The following PRR5 variants were observed in gnomAD, a reference collection of about 807,000 sequenced individuals.
PRR5 encodes the protein proline rich 5.
A neutral mutation model predicts 30.6 loss-of-function variants in PRR5; 25 were observed. The observed-to-expected ratio is 0.82, with a 90% CI of 0.60 to 1.14. The LOEUF is 1.14. PRR5 is among the 50% of genes most tolerant of loss of function. The probability of loss-of-function intolerance (pLI) is 0.00; values close to 1 mark genes in which losing one functional copy is unlikely to be tolerated. For synonymous variants in PRR5, 286 were observed against 247.1 expected (o/e 1.16, Z -1.48); for missense variants, 600 against 547.1 (o/e 1.10, Z -0.96).
rs1921520416 is a variant in PRR5 at position 44,729,500 on chromosome 22, C to G, written c.323-2230C>G. 4 of 985,480 alleles carry G rather than the reference C, an allele frequency of 4.1e-6. No individual in the cohort carries two copies. The South Asian group carries it at 1.9e-4, about 46-fold the overall frequency. 61.0% of individuals were successfully genotyped at this position (985,480 alleles called of 1,614,324 possible). A position where few individuals can be genotyped will look rare whatever the true frequency, so the allele number is the denominator to read the frequency against. Reference sequence around the variant, plus strand: ...ACGGCGCGCACACACCCGGCCCCGTCCTGCCGGCAGCAAACGCCCAGTGCT... The same window carrying G: ...ACGGCGCGCACACACCCGGCCCCGTGCTGCCGGCAGCAAACGCCCAGTGCT... On this transcript the variant is annotated intron_variant, in intron 4 of 7. Transcript: ENST00000336985.
chr22:44,675,161 A>C (rs551465558), upstream of PRR5, among the ~76,000 whole-genome samples: 170 of 150,460 alleles, frequency 1.1e-3, 2 homozygotes, highest in East Asian at 4.3e-3. Context: ...GAGGCAGGAG[A>C]ATGGCGTGAA....
intron 1 of PRR5, among the ~76,000 whole-genome samples, chr22:44,712,824 G>T (rs1232391586): frequency 6.6e-6 from 1 of 152,168 alleles, no homozygotes; most frequent in Non-Finnish European, 1.5e-5. Flanking sequence ...CCCAGACCTG[G>T]TTCTCACCCT....
chr22:44,702,170 A>G (rs1409254983), upstream of PRR5: 1 of 685,086 alleles, frequency 1.5e-6, no homozygotes, highest in Non-Finnish European at 1.8e-6. Flanking sequence ...GGGCGCCGAG[A>G]CCCGCCCCTG....
chr22:44,736,691 A>C, intron 7 of PRR5, 81 bp from the exon 8 acceptor site: 1 of 1,497,402 alleles, frequency 6.7e-7, no homozygotes, highest in East Asian at 2.3e-5. Flanking sequence ...ACAGGGACCC[A>C]GTGTGCAGTG....
upstream of PRR5, among the ~76,000 whole-genome samples, chr22:44,674,706 G>A (rs1468339614): frequency 1.6e-4 from 24 of 151,274 alleles, no homozygotes; most frequent in Non-Finnish European, 3.5e-4. Flanking sequence ...GCGACAGAGA[G>A]AGACTCCGTC....
chr22:44,674,363 C>T (rs1448415050), upstream of PRR5, among the ~76,000 whole-genome samples: 1 of 151,828 alleles, frequency 6.6e-6, no homozygotes, highest in Admixed American at 6.6e-5. Context: ...CAGCCAGGCA[C>T]GGTGGCTCAT....
chr22:44,710,705 C>T (rs570979549), intron 1 of PRR5, among the ~76,000 whole-genome samples: 2 of 152,158 alleles, frequency 1.3e-5, no homozygotes, highest in African/African-American at 4.8e-5. Context: ...GAGCAGAGGT[C>T]CTGGGTGTGG....
At chr22:44,725,726 G>A (rs540929064) in intron 3 of PRR5, among the ~76,000 whole-genome samples, 46 of 152,210 alleles carry the variant, frequency 3.0e-4, no homozygotes, top group African/African-American at 8.7e-4. Context: ...GTGCAGTGGC[G>A]CGATCTCAGC....
intron 4 of PRR5, among the ~76,000 whole-genome samples, chr22:44,727,445 C>T (rs1330874971): frequency 6.6e-6 from 1 of 152,328 alleles, no homozygotes; most frequent in East Asian, 1.9e-4. Flanking sequence ...GCACTAGGCA[C>T]CGGGTGTGTG....
upstream of PRR5, among the ~76,000 whole-genome samples, chr22:44,698,166 C>T (rs1435921236): frequency 2.0e-5 from 3 of 152,130 alleles, no homozygotes; most frequent in African/African-American, 7.2e-5. Context: ...CAAGGGGATC[C>T]TCTACCAGCT....
chr22:44,682,868 T>G (rs1246038389), intron 1 of PRR5, among the ~76,000 whole-genome samples: 1 of 152,100 alleles, frequency 6.6e-6, no homozygotes, highest in Non-Finnish European at 1.5e-5. Context: ...TAGCGGGAGG[T>G]CTGGACAGTA....
At chr22:44,671,964 T>A (rs190724146) in intron 1 of PRR5, among the ~76,000 whole-genome samples, 1 of 152,276 alleles carries the variant, frequency 6.6e-6, no homozygotes, top group Non-Finnish European at 1.5e-5. Flanking sequence ...GGTCTTGCTA[T>A]ACTGATGTCT....
Position 44,737,304 on chromosome 22 carries a change from A to C in PRR5, c.*57A>C, listed in dbSNP as rs1160794666. ...CACGTCCCTGTGTGCGGGGGTGTCCATGTGGCGTGTGTGTGAGTGAGACTT... is the reference window on the plus strand; with the variant it reads ...CACGTCCCTGTGTGCGGGGGTGTCCCTGTGGCGTGTGTGTGAGTGAGACTT... On this transcript the variant is annotated 3_prime_UTR_variant, in exon 8 of 8. Coordinates refer to ENST00000336985, the MANE Select transcript of PRR5 (RefSeq NM_181333.4). 4 of 1,539,868 alleles carry C rather than the reference A, an allele frequency of 2.6e-6. No individual in the cohort carries two copies. In the East Asian group the frequency reaches 9.1e-5, roughly 35 times the overall value.
chr22:44,680,603 C>T (rs1316262919), intron 1 of PRR5, among the ~76,000 whole-genome samples: 2 of 152,182 alleles, frequency 1.3e-5, no homozygotes, highest in Non-Finnish European at 2.9e-5. Context: ...CCTGGGTGCC[C>T]GACTTTCCCA....
intron 1 of PRR5, chr22:44,679,828 A>T: frequency 1.3e-6 from 2 of 1,599,248 alleles, no homozygotes; most frequent in Non-Finnish European, 1.7e-6. Context: ...TCACAGAGGG[A>T]AGCCTGGGGC....
At chr22:44,721,702 C>T (rs1436480310) in intron 2 of PRR5, among the ~76,000 whole-genome samples, 1 of 152,206 alleles carries the variant, frequency 6.6e-6, no homozygotes, top group Non-Finnish European at 1.5e-5. Context: ...TCCTGCCTCA[C>T]CTCCTGCTGT....
intron 1 of PRR5, among the ~76,000 whole-genome samples, chr22:44,690,337 C>A (rs1291696955): frequency 1.3e-5 from 2 of 152,046 alleles, no homozygotes; most frequent in Non-Finnish European, 2.9e-5. Context: ...CAGTCTGAGA[C>A]CCTGACACAA....
intron 1 of PRR5, among the ~76,000 whole-genome samples, chr22:44,714,360 G>A (rs1928727547): frequency 1.3e-5 from 2 of 152,186 alleles, no homozygotes; most frequent in Admixed American, 6.5e-5. Context: ...CAGAGGACAC[G>A]GGAGCAAGGT....
intron 2 of PRR5, among the ~76,000 whole-genome samples, chr22:44,718,190 C>CT (rs1569096191): frequency 2.8e-5 from 2 of 70,302 alleles, no homozygotes; most frequent in Non-Finnish European, 5.6e-5. Flanking sequence ...GTTTTCATCT[C>CT]TCTTTTTTTT....
Sources: allele counts gnomAD v4.1 joint callset (sites outside exome capture counted in the v4.1 genomes callset), GRCh38; gene constraint gnomAD v4.1.1; transcripts MANE v1.5; gene names NCBI Gene and HGNC (gene_info 2026-07-23, HGNC 2026-07-21).